The following SHROOM4 variants were observed in gnomAD, a reference collection of about 807,000 sequenced individuals.
SHROOM4 encodes shroom family member 4.
A neutral mutation model predicts 80.3 loss-of-function variants in SHROOM4; 17 were observed. The ratio of observed to expected loss-of-function variants is 0.21; its 90% CI spans 0.14 to 0.32. The LOEUF (loss-of-function observed/expected upper bound fraction) is 0.32. Ranked by LOEUF, SHROOM4 falls within the 10% of genes least tolerant of loss-of-function variation. SHROOM4 has a pLI of 1.00. For synonymous variants in SHROOM4, 400 were observed against 437.5 expected, an observed-to-expected ratio of 0.91 and a Z score of 1.07; for missense variants, 993 against 1,140.3, an observed-to-expected ratio of 0.87 and a Z score of 1.86.
At chrX:50,725,580 TAGTG>T (rs782499445) in intron 1 of SHROOM4, among the ~76,000 whole-genome samples, 1 of 112,406 alleles carries the variant, frequency 8.9e-6, no homozygotes, top group South Asian at 3.7e-4. Context: ...GTTCTTGTGA[TAGTG>T]AGTGAGTTCT....
At chrX:50,721,203 G>C (rs1305452663) in intron 1 of SHROOM4, among the ~76,000 whole-genome samples, 1 of 111,909 alleles carries the variant, frequency 8.9e-6, no homozygotes, top group Non-Finnish European at 1.9e-5. Context: ...TACCAGAAAG[G>C]GGTCTGGATT....
rs905530992 is a variant in SHROOM4 at position 50,632,555 on chromosome X, A to G, written c.2895+623T>C. ...CAGCCAGTTTAGACCTGGGTCTCCAACAGAGACAGGATGGAGAAAGGGGAA... is the reference window on the plus strand; with the variant it reads ...CAGCCAGTTTAGACCTGGGTCTCCAGCAGAGACAGGATGGAGAAAGGGGAA... On this transcript the variant is annotated intron_variant, in intron 4 of 8. Transcript: ENST00000376020. Among the ~76,000 whole-genome samples, 5 of 112,273 alleles carry G rather than the reference A, an allele frequency of 4.5e-5. No homozygotes were observed. In the Admixed American group the frequency reaches 4.7e-4, roughly 11 times the overall value.
intron 6 of SHROOM4, among the ~76,000 whole-genome samples, chrX:50,605,096 A>G (rs782638388): frequency 1.4e-4 from 16 of 111,718 alleles, no homozygotes; most frequent in African/African-American, 5.2e-4. Context: ...TGGCTAGGAC[A>G]CTGTCCTCTC....
At chrX:50,662,630 T>G (rs569420485) in intron 2 of SHROOM4, among the ~76,000 whole-genome samples, 1 of 112,532 alleles carries the variant, frequency 8.9e-6, no homozygotes, top group African/African-American at 3.2e-5. Flanking sequence ...GGCTTATGTA[T>G]ATCAGCTCAT....
At chrX:50,695,565 T>A (rs111253142) in intron 2 of SHROOM4, among the ~76,000 whole-genome samples, 3,510 of 112,385 alleles carry the variant, frequency 0.031, 146 homozygotes, top group African/African-American at 0.11. Flanking sequence ...TGCAGAGGAC[T>A]AATAAATATA....
Position 50,635,488 on chromosome X carries a change from G to C in SHROOM4, c.585C>G (p.Ala195=). Residue 195 remains alanine (A), a synonymous_variant, in exon 4 of 9, where the codon GCC becomes GCG. Coordinates refer to ENST00000376020, the MANE Select transcript of SHROOM4 (RefSeq NM_020717.5). ...QRDSAYSSFS[A]SSNASDCALS... ...GGGCACAGTCAGAAGCATTTGAGCT[G>C]GCCGAGAAGGAGCTGTAGGCTGAGT... 8.3e-7 allele frequency: 1 copy of C among 1,210,823 alleles called. No homozygotes were observed. The highest frequency in any genetic ancestry group is 1.1e-6 in the Non-Finnish European group (1 of 895,052).
Position 50,592,337 on chromosome X carries a change from AT to A in SHROOM4, c.*4357del. The A allele has an allele frequency of 3.8e-6, 1 of 263,151 alleles. No homozygotes were observed. Among genetic ancestry groups the A allele is most frequent in the South Asian group, 3.6e-5 (1 of 27,613 alleles). 21.7% of individuals were successfully genotyped at this position (263,151 alleles called of 1,213,427 possible). On this transcript the variant is annotated 3_prime_UTR_variant, in exon 9 of 9. Coordinates refer to ENST00000376020, the MANE Select transcript of SHROOM4 (RefSeq NM_020717.5). ...GGGATTCTGCCTAATAACTTCTTGG[AT>A]TGTTAGTGGCTTTTATTTATTATTT...
intron 1 of SHROOM4, among the ~76,000 whole-genome samples, chrX:50,783,699 C>T (rs1557270821): frequency 1.8e-5 from 2 of 111,067 alleles, no homozygotes; most frequent in Non-Finnish European, 3.8e-5. Flanking sequence ...CCTCAGCCTC[C>T]CAAGTAGCTG....
chrX:50,794,902 G>GTGTATATA (rs2092501792), intron 1 of SHROOM4, among the ~76,000 whole-genome samples: 1 of 92,655 alleles, frequency 1.1e-5, no homozygotes, highest in African/African-American at 4.0e-5. Flanking sequence ...GTATAAATGT[G>GTGTATATA]TATATATATA....
intron 1 of SHROOM4, among the ~76,000 whole-genome samples, chrX:50,767,047 G>A (rs1402895074): frequency 8.9e-6 from 1 of 111,778 alleles, no homozygotes; most frequent in Non-Finnish European, 1.9e-5. Context: ...AGTGCTGCAG[G>A]GATCTGTGAA....
At chrX:50,657,213 C>T in intron 2 of SHROOM4, among the ~76,000 whole-genome samples, 1 of 111,516 alleles carries the variant, frequency 9.0e-6, no homozygotes, top group South Asian at 3.7e-4. Flanking sequence ...GACAATTTAA[C>T]TTCTTCCTTT....
intron 1 of SHROOM4, among the ~76,000 whole-genome samples, chrX:50,747,475 G>A (rs782556194): frequency 8.9e-6 from 1 of 111,870 alleles, no homozygotes; most frequent in East Asian, 2.8e-4. Flanking sequence ...TACATTCCAA[G>A]CATCTGTGTT....
intron 5 of SHROOM4, among the ~76,000 whole-genome samples, chrX:50,615,955 C>T (rs1221105324): frequency 8.9e-6 from 1 of 112,473 alleles, no homozygotes; most frequent in Non-Finnish European, 1.9e-5. Context: ...CTGATTTACC[C>T]TACAGTGCTC....
chrX:50,709,973 T>C, intron 1 of SHROOM4, among the ~76,000 whole-genome samples: 1 of 112,078 alleles, frequency 8.9e-6, no homozygotes, highest in Non-Finnish European at 1.9e-5. Flanking sequence ...TAAAAATCTC[T>C]GAATTAGAAG....
the SHROOM4 span, among the ~76,000 whole-genome samples, chrX:50,578,155 A>AAGTCC: frequency 8.9e-6 from 1 of 111,976 alleles, no homozygotes; most frequent in African/African-American, 3.3e-5. Flanking sequence ...GAGAAAAATC[A>AAGTCC]AGTCCTCTAC....
chrX:50,701,867 A>G lies in SHROOM4; in HGVS notation c.118-5930T>C, dbSNP rs185724967. Among the ~76,000 whole-genome samples the G allele has an allele frequency of 4.0e-3, 449 of 111,558 alleles. 2 individuals carry two copies. Among genetic ancestry groups the G allele is most frequent in the African/African-American group, 0.014 (423 of 30,709 alleles). ...ATTTTTTAAGCAGGATGCAAAAGGT[A>G]GTAATCATAAAGGAAAGAGTGATAC... On this transcript the variant is annotated intron_variant, in intron 1 of 8. Coordinates refer to ENST00000376020, the MANE Select transcript of SHROOM4 (RefSeq NM_020717.5).
intron 2 of SHROOM4, among the ~76,000 whole-genome samples, chrX:50,647,467 T>C (rs1931882638): frequency 9.0e-6 from 1 of 111,525 alleles, no homozygotes; most frequent in Admixed American, 9.5e-5. Flanking sequence ...ACAGATAGCC[T>C]TAAAGGTTTT....
At chrX:50,790,953 G>GA (rs1935839271) in intron 1 of SHROOM4, among the ~76,000 whole-genome samples, 2 of 110,061 alleles carry the variant, frequency 1.8e-5, no homozygotes, top group Admixed American at 9.8e-5. Flanking sequence ...AATTAGGCAA[G>GA]AAAAAATAAG....
At chrX:50,777,414 T>C (rs1935534309) in intron 1 of SHROOM4, among the ~76,000 whole-genome samples, 1 of 112,376 alleles carries the variant, frequency 8.9e-6, no homozygotes, top group Admixed American at 9.4e-5. Context: ...AGGATGTATA[T>C]ACAAAGATGT....
Sources: gnomAD v4.1 joint callset for allele counts (sites outside exome capture counted in the v4.1 genomes callset) on GRCh38, gnomAD v4.1.1 for gene constraint, MANE v1.5 for transcripts, NCBI Gene and HGNC (gene_info 2026-07-23, HGNC 2026-07-21) for gene names.